MAOA: variants seen among roughly 807,000 people sequenced by gnomAD.
The protein encoded by MAOA is amine oxidase [flavin-containing] A.
In MAOA, 6 loss-of-function variants were observed where a neutral mutation model predicts 42.0. That is an observed-to-expected ratio of 0.14 (90% CI 0.08 to 0.28). The LOEUF (loss-of-function observed/expected upper bound fraction) is 0.28. MAOA is among the 10% of genes least tolerant of loss of function. MAOA has a pLI of 1.00. For missense variants in MAOA, 262 were observed against 422.3 expected (o/e 0.62, Z 3.33); for synonymous variants, 140 against 154.0 (o/e 0.91, Z 0.67).
rs2033550871 is a variant in MAOA, at chrX:43,693,295, A to G, written c.173A>G (p.Glu58Gly). 8.3e-7 allele frequency: 1 copy of G among 1,209,317 alleles called. No individual in the cohort carries two copies. The highest frequency in any genetic ancestry group is 1.7e-5 in the African/African-American group (1 of 57,166). ...CCAATTTTTCTCTTTTTGCAGAATG[A>G]GCATGTTGATTACGTAGATGTTGGT... ...VGGRTYTIRNEHVDYVDVGGA... is the reference protein window; with the variant it reads ...VGGRTYTIRNGHVDYVDVGGA... The change falls in exon 3 of 15, where the codon GAG becomes GGG. Residue 58 changes from glutamate (E) to glycine (G), a missense_variant. Glu to Gly is a moderately conservative substitution (Grantham distance 98). This residue lies in a region of MAOA where 141 missense variants were observed against 195.6 expected (regional missense o/e 0.72). Transcript: ENST00000338702.
At chrX:43,697,547 G>A (rs1300210247) in intron 3 of MAOA, among the ~76,000 whole-genome samples, 2 of 112,170 alleles carry the variant, frequency 1.8e-5, no homozygotes, top group African/African-American at 6.5e-5. Context: ...ATTTAAGATG[G>A]TAAGCATCAT....
At chrX:43,714,644 C>T (rs2033725521) in intron 5 of MAOA, among the ~76,000 whole-genome samples, 1 of 108,995 alleles carries the variant, frequency 9.2e-6, no homozygotes, top group African/African-American at 3.4e-5. Flanking sequence ...AATGGTGTGG[C>T]CTGGTTGCAT....
At chrX:43,670,524 G>A (rs1416383595) in intron 1 of MAOA, among the ~76,000 whole-genome samples, 1 of 105,176 alleles carries the variant, frequency 9.5e-6, no homozygotes, top group Non-Finnish European at 2.0e-5. Flanking sequence ...GTATACATGT[G>A]CCATGCTGGT....
At chrX:43,729,948 C>T (rs1174229014) in intron 6 of MAOA, among the ~76,000 whole-genome samples, 1 of 110,872 alleles carries the variant, frequency 9.0e-6, no homozygotes, top group Non-Finnish European at 1.9e-5. Context: ...AATCCCAGCA[C>T]TTTTGGAGGC....
intron 5 of MAOA, among the ~76,000 whole-genome samples, chrX:43,721,653 C>T (rs1294201720): frequency 9.2e-6 from 1 of 108,894 alleles, no homozygotes; most frequent in African/African-American, 3.4e-5. Context: ...TTAGAGAGAA[C>T]CTGGATTAGC....
intron 10 of MAOA, 29 bp from the exon 11 acceptor site, chrX:43,740,650 ATT>A (rs397896400): frequency 7.6e-3 from 7,152 of 939,358 alleles, no homozygotes; most frequent in African/African-American, 0.015. Flanking sequence ...CCCTAACTTT[ATT>A]TTTTTTTTTT....
In MAOA at chrX:43,741,997, G is replaced by A; in HGVS notation, c.1212G>A (p.Gly404=). 8.3e-7 allele frequency: 1 copy of A among 1,211,612 alleles called. No homozygotes were observed. The highest frequency in any genetic ancestry group is 1.1e-6 in the Non-Finnish European group (1 of 895,504). ...ACTGGTGTGAGGAGCAGTACTCTGG[G>A]GGCTGCTACACGGCCTACTTCCCTC... ...EKNWCEEQYS[G]GCYTAYFPPG... The change falls in exon 12 of 15, where the codon GGG becomes GGA. Residue 404 remains glycine (G), a synonymous_variant. Coordinates refer to ENST00000338702, the MANE Select transcript of MAOA (RefSeq NM_000240.4).
chrX:43,722,201 T>A (rs1265942879), intron 5 of MAOA, among the ~76,000 whole-genome samples: 7 of 112,327 alleles, frequency 6.2e-5, no homozygotes, highest in African/African-American at 2.3e-4. Context: ...TTTGGGTATA[T>A]ACCCAGTAAT....
At chrX:43,702,712 T>G (rs1342380966) in intron 3 of MAOA, among the ~76,000 whole-genome samples, 1 of 112,356 alleles carries the variant, frequency 8.9e-6, no homozygotes, top group Non-Finnish European at 1.9e-5. Flanking sequence ...AAAGAATGAT[T>G]AGTAAACTAT....
At chrX:43,675,409 G>A (rs2033385348) in intron 1 of MAOA, among the ~76,000 whole-genome samples, 1 of 112,153 alleles carries the variant, frequency 8.9e-6, no homozygotes, top group Admixed American at 9.4e-5. Flanking sequence ...GCTCGGAGTA[G>A]TTTGATCGTC....
chrX:43,738,420 AT>A (rs1426775739), intron 10 of MAOA, among the ~76,000 whole-genome samples: 3 of 112,390 alleles, frequency 2.7e-5, no homozygotes, highest in Non-Finnish European at 5.6e-5. Flanking sequence ...ACTTGTAACT[AT>A]TATAATTGTT....
chrX:43,655,180 CCCGCACCAGTACCGGCACCGGCACCG>C (rs2033167232), upstream of MAOA: 1 of 113,190 alleles, frequency 8.8e-6, no homozygotes, highest in African/African-American at 3.5e-5. Flanking sequence ...GGCACCAGTA[CCCGCACCAGTACCGGCACCGGCACCG>C]AGCGCAAGGC....
chrX:43,710,665 A>G (rs1569197116), intron 3 of MAOA, among the ~76,000 whole-genome samples: 1 of 112,499 alleles, frequency 8.9e-6, no homozygotes, highest in Non-Finnish European at 1.9e-5. Flanking sequence ...TTAGCAAATA[A>G]GGCCTTATAA....
At chrX:43,696,827 C>T (rs1008959287) in intron 3 of MAOA, among the ~76,000 whole-genome samples, 1 of 112,708 alleles carries the variant, frequency 8.9e-6, no homozygotes, top group African/African-American at 3.2e-5. Context: ...CATTGCATGG[C>T]CATGCACATC....
rs767009691 is a variant in MAOA, at chrX:43,743,221, G to A, written c.1263-573G>A. 7.2e-5 allele frequency among the ~76,000 whole-genome samples: 8 copies of A among 111,303 alleles called. No homozygotes were observed. In the South Asian group the frequency reaches 3.1e-3, roughly 43 times the overall value. On this transcript the variant is annotated intron_variant, in intron 12 of 14. Transcript: ENST00000338702. The stretch of plus-strand genomic sequence containing the variant: ...TTTGTAAGAGGAGACCCATTTCCTT[G>A]CTCTCAGCCAGTCCCCAGAGAAGTT...
intron 14 of MAOA, 90 bp downstream of exon 14, chrX:43,744,261 T>C (rs1279732210): frequency 9.9e-6 from 11 of 1,115,839 alleles, no homozygotes; most frequent in African/African-American, 1.8e-5. Context: ...TCCGATTTAA[T>C]TATAGATGCA....
chrX:43,683,686 GA>G (rs2033461840), intron 2 of MAOA, 79 bp downstream of exon 2: 1 of 849,482 alleles, frequency 1.2e-6, no homozygotes, highest in East Asian at 3.2e-5. Flanking sequence ...CACAGGGCTA[GA>G]GGAGGTCTTA....
upstream of MAOA, chrX:43,655,929 C>G (rs977874214): frequency 3.9e-5 from 8 of 203,362 alleles, no homozygotes; most frequent in Admixed American, 6.3e-5. Flanking sequence ...CAAGCACCTC[C>G]TGCACCCCAT....
chrX:43,725,477 A>G lies in MAOA; in HGVS notation c.504-2696A>G, dbSNP rs773490540. ...TCGTTTAAAGTCTGTTTTATCAGAG[A>G]CTAAGATTACAACCCCTGCTTTTTT... On this transcript the variant is annotated intron_variant, in intron 5 of 14. Transcript: ENST00000338702. 1.7e-3 allele frequency among the ~76,000 whole-genome samples: 187 copies of G among 109,613 alleles called. 1 individual carries two copies. Among genetic ancestry groups the G allele is most frequent in the African/African-American group, 6.1e-3 (184 of 30,256 alleles).
Sources: gnomAD v4.1 joint callset for allele counts (sites outside exome capture counted in the v4.1 genomes callset) on GRCh38, gnomAD v4.1.1 for gene constraint, gnomAD v4.1.1 regional missense constraint, MANE v1.5 for transcripts, NCBI Gene and HGNC (gene_info 2026-07-23, HGNC 2026-07-21) for gene names.